GRM7: variants seen among roughly 807,000 people sequenced by gnomAD.
GRM7 encodes the protein glutamate metabotropic receptor 7, also known as metabotropic glutamate receptor 7.
GRM7 carries 35 observed loss-of-function variants against 84.5 expected under a neutral mutation model. That is an observed-to-expected ratio of 0.41 (90% CI 0.32 to 0.55). The LOEUF (loss-of-function observed/expected upper bound fraction) is 0.55, where lower values mean the gene tolerates loss of function less well. Ranked by LOEUF, GRM7 falls within the 20% of genes least tolerant of loss-of-function variation. The pLI, the probability that GRM7 is intolerant of heterozygous loss-of-function variation, is 0.19. For missense variants in GRM7, 1,003 were observed against 1,194.6 expected (o/e 0.84, Z 2.36); for synonymous variants, 487 against 455.1 (o/e 1.07, Z -0.89).
intron 1 of GRM7, among the ~76,000 whole-genome samples, chr3:7,126,168 AGGT>A (rs1239415092): frequency 6.6e-6 from 1 of 152,212 alleles, no homozygotes; most frequent in Non-Finnish European, 1.5e-5. Flanking sequence ...AAGGTTATTC[AGGT>A]GGTTCAAACT....
intron 7 of GRM7, among the ~76,000 whole-genome samples, chr3:7,503,176 T>G (rs1258565994): frequency 2.0e-5 from 3 of 152,136 alleles, no homozygotes; most frequent in Admixed American, 1.3e-4. Flanking sequence ...TATCAGTATT[T>G]CTGGCAAAAT....
chr3:7,174,599 G>A (rs547214845), intron 2 of GRM7, among the ~76,000 whole-genome samples: 1 of 152,282 alleles, frequency 6.6e-6, no homozygotes, highest in East Asian at 1.9e-4. Flanking sequence ...GGATGCCTTG[G>A]TCAGTAGTCC....
At chr3:7,301,596 T>C (rs1700003232) in intron 3 of GRM7, among the ~76,000 whole-genome samples, 1 of 152,114 alleles carries the variant, frequency 6.6e-6, no homozygotes, top group Admixed American at 6.6e-5. Flanking sequence ...GTAATGTGAG[T>C]TTTTCATATT....
chr3:7,586,322 CTT>C (rs1695514805), intron 8 of GRM7, among the ~76,000 whole-genome samples: 1 of 151,772 alleles, frequency 6.6e-6, no homozygotes, highest in African/African-American at 2.4e-5. Flanking sequence ...AGCCATTCCT[CTT>C]ATATATTTTA....
intron 2 of GRM7, among the ~76,000 whole-genome samples, chr3:7,250,034 A>G (rs143470169): frequency 1.3e-5 from 2 of 152,294 alleles, no homozygotes; most frequent in African/African-American, 4.8e-5. Flanking sequence ...AGTTAGTCGC[A>G]CGGTCCCCGC....
At chr3:6,932,554 A>G (rs1697540409) in intron 1 of GRM7, among the ~76,000 whole-genome samples, 1 of 152,178 alleles carries the variant, frequency 6.6e-6, no homozygotes, top group Non-Finnish European at 1.5e-5. Context: ...AAACATCATT[A>G]CTAGTCTAGC....
intron 7 of GRM7, among the ~76,000 whole-genome samples, chr3:7,473,720 T>C (rs957385753): frequency 4.6e-5 from 7 of 152,190 alleles, no homozygotes; most frequent in African/African-American, 1.2e-4. Flanking sequence ...ACAAGTTGTT[T>C]TGAGTAAACC....
chr3:7,167,087 C>G (rs550044769), intron 2 of GRM7, among the ~76,000 whole-genome samples: 1 of 152,170 alleles, frequency 6.6e-6, no homozygotes, highest in East Asian at 1.9e-4. Context: ...TTAATATTCA[C>G]TGTTCTATTG....
chr3:7,299,291 A>C (rs766667723), intron 3 of GRM7, among the ~76,000 whole-genome samples: 36 of 152,124 alleles, frequency 2.4e-4, no homozygotes, highest in Non-Finnish European at 4.1e-4. Flanking sequence ...TGGACTCAAA[A>C]ATCTGCTTGT....
Position 7,454,525 on chromosome 3 carries a change from G to C in GRM7, c.1375+1718G>C, listed in dbSNP as rs2124895750. Among the ~76,000 whole-genome samples the C allele has an allele frequency of 2.0e-5, 3 of 152,120 alleles. No individual in the cohort carries two copies. In the South Asian group the frequency reaches 6.2e-4, roughly 32 times the overall value. On this transcript the variant is annotated intron_variant, in intron 6 of 9. Transcript: ENST00000357716. Reference sequence around the variant, plus strand: ...AGAAATAATGAATGCAAGTAATTTTGGAAAATAGTATCTGACTATATAAGG... The same window carrying C: ...AGAAATAATGAATGCAAGTAATTTTCGAAAATAGTATCTGACTATATAAGG...
chr3:7,005,904 C>T (rs1179071498), intron 1 of GRM7, among the ~76,000 whole-genome samples: 2 of 152,146 alleles, frequency 1.3e-5, no homozygotes, highest in Non-Finnish European at 2.9e-5. Context: ...TGTTGAGTCT[C>T]ATTGCCCTGT....
chr3:7,184,680 C>T (rs1695455914), intron 2 of GRM7, among the ~76,000 whole-genome samples: 1 of 152,066 alleles, frequency 6.6e-6, no homozygotes, highest in Non-Finnish European at 1.5e-5. Context: ...TATTCTGTCA[C>T]ATGAACTCTT....
At chr3:7,387,031 A>AT (rs528683937) in intron 4 of GRM7, among the ~76,000 whole-genome samples, 160 of 152,194 alleles carry the variant, frequency 1.1e-3, no homozygotes, top group African/African-American at 3.6e-3. Context: ...GATTTTGAGC[A>AT]TTTTTTATAA....
intron 8 of GRM7, among the ~76,000 whole-genome samples, chr3:7,612,254 C>T (rs1273530207): frequency 6.6e-6 from 1 of 152,192 alleles, no homozygotes; most frequent in Non-Finnish European, 1.5e-5. Context: ...CTTTAACCTC[C>T]CTGTCTCATC....
chr3:6,962,699 G>T (rs772540964), intron 1 of GRM7, among the ~76,000 whole-genome samples: 9 of 152,068 alleles, frequency 5.9e-5, no homozygotes, highest in Non-Finnish European at 1.0e-4. Flanking sequence ...GCCAAGAGTG[G>T]GATTCAAACC....
chr3:7,075,118 A>C (rs1574866734), intron 1 of GRM7, among the ~76,000 whole-genome samples: 1 of 152,206 alleles, frequency 6.6e-6, no homozygotes, highest in South Asian at 2.1e-4. Context: ...GGATTTATGC[A>C]AAAAAGAATT....
At chr3:7,143,096 A>T (rs1694001799) in intron 1 of GRM7, among the ~76,000 whole-genome samples, 1 of 152,182 alleles carries the variant, frequency 6.6e-6, no homozygotes, top group African/African-American at 2.4e-5. Context: ...CTGGCAAGAG[A>T]GAAAAGGTCC....
intron 1 of GRM7, among the ~76,000 whole-genome samples, chr3:7,085,858 C>T (rs1698439262): frequency 6.6e-6 from 1 of 151,996 alleles, no homozygotes; most frequent in African/African-American, 2.4e-5. Context: ...ATGGGCTGTT[C>T]AAACCCAATA....
rs151128338 is a variant in GRM7 at position 7,161,468 on chromosome 3, T to C, written c.736+14800T>C. Among the ~76,000 whole-genome samples the C allele has an allele frequency of 7.9e-5, 12 of 151,300 alleles. No homozygotes were observed. The East Asian group carries it at 2.3e-3, about 29-fold the overall frequency. On this transcript the variant is annotated intron_variant, in intron 2 of 9. Coordinates refer to ENST00000357716, the MANE Select transcript of GRM7 (RefSeq NM_000844.4). ...AATGTGTGGGTCACTTACTCTAATC[T>C]AGTTTCCATTTTTGTGTTTATACTA...
Sources: gnomAD v4.1 joint callset for allele counts (sites outside exome capture counted in the v4.1 genomes callset) on GRCh38, gnomAD v4.1.1 for gene constraint, MANE v1.5 for transcripts, NCBI Gene and HGNC (gene_info 2026-07-23, HGNC 2026-07-21) for gene names.